The following TMTC2 variants were observed in gnomAD, a reference collection of about 807,000 sequenced individuals.
TMTC2 encodes the protein protein O-mannosyl-transferase TMTC2.
A neutral mutation model predicts 82.4 loss-of-function variants in TMTC2; 43 were observed. That is an observed-to-expected ratio of 0.52 (90% CI 0.41 to 0.67). The LOEUF (loss-of-function observed/expected upper bound fraction) is 0.67. TMTC2 is among the 30% of genes least tolerant of loss of function. TMTC2 has a pLI of 0.00. For synonymous variants in TMTC2, 408 were observed against 381.9 expected (o/e 1.07, Z -0.80); for missense variants, 919 against 1,012.4 (o/e 0.91, Z 1.25).
intron 9 of TMTC2, among the ~76,000 whole-genome samples, chr12:83,042,665 C>G (rs1184870757): frequency 1.3e-5 from 2 of 152,168 alleles, no homozygotes; most frequent in African/African-American, 2.4e-5. Flanking sequence ...CCCTGTCAGA[C>G]AGTCATCATA....
At chr12:82,898,056 ACT>A in intron 3 of TMTC2, among the ~76,000 whole-genome samples, 1 of 152,212 alleles carries the variant, frequency 6.6e-6, no homozygotes, top group Non-Finnish European at 1.5e-5. Flanking sequence ...TCAGTGAGCA[ACT>A]ACACATTTCT....
intron 1 of TMTC2, among the ~76,000 whole-genome samples, chr12:82,774,182 TAC>T (rs1389377361): frequency 6.6e-6 from 1 of 152,148 alleles, no homozygotes; most frequent in Non-Finnish European, 1.5e-5. Context: ...CGCACATATA[TAC>T]ACACATGTGT....
intron 4 of TMTC2, among the ~76,000 whole-genome samples, chr12:82,954,942 T>C (rs1877537127): frequency 6.6e-6 from 1 of 152,266 alleles, no homozygotes; most frequent in South Asian, 2.1e-4. Context: ...TTAGACTTTT[T>C]AATGAAAAAT....
intron 1 of TMTC2, among the ~76,000 whole-genome samples, chr12:82,767,378 A>G (rs1354848301): frequency 6.6e-6 from 1 of 152,178 alleles, no homozygotes; most frequent in Non-Finnish European, 1.5e-5. Context: ...GAGTCCAGGC[A>G]TTTGAGACCA....
chr12:82,823,295 A>G (rs915867731), intron 1 of TMTC2, among the ~76,000 whole-genome samples: 6 of 152,240 alleles, frequency 3.9e-5, no homozygotes, highest in African/African-American at 7.2e-5. Flanking sequence ...GTCATTCAGT[A>G]TTATATCTTC....
intron 7 of TMTC2, among the ~76,000 whole-genome samples, chr12:82,979,345 A>G (rs1878820278): frequency 6.6e-6 from 1 of 151,060 alleles, no homozygotes; most frequent in Admixed American, 6.6e-5. Context: ...CTTTTATATG[A>G]TTTTAGTTTA....
At chr12:82,733,729 G>A (rs1874949579) in intron 1 of TMTC2, among the ~76,000 whole-genome samples, 1 of 152,144 alleles carries the variant, frequency 6.6e-6, no homozygotes, top group Non-Finnish European at 1.5e-5. Flanking sequence ...GGTGACACTG[G>A]AGATACTTTA....
At chr12:83,036,913 CT>C (rs1305228084) in intron 9 of TMTC2, among the ~76,000 whole-genome samples, 6 of 152,060 alleles carry the variant, frequency 3.9e-5, no homozygotes, top group Admixed American at 2.6e-4. Flanking sequence ...GGCATCCAGG[CT>C]TTATAAGAAC....
chr12:82,804,820 A>G (rs563411605), intron 1 of TMTC2, among the ~76,000 whole-genome samples: 39 of 152,178 alleles, frequency 2.6e-4, no homozygotes, highest in Non-Finnish European at 4.9e-4. Flanking sequence ...ATTAGCATAT[A>G]ACAGGCAGAC....
At chr12:83,077,077 A>G (rs748056877) in intron 11 of TMTC2, among the ~76,000 whole-genome samples, 1 of 152,196 alleles carries the variant, frequency 6.6e-6, no homozygotes, top group Non-Finnish European at 1.5e-5. Context: ...TAGGGGAGAG[A>G]GATTAGGCTC....
chr12:82,700,737 C>A (rs1042318685), intron 1 of TMTC2, among the ~76,000 whole-genome samples: 1 of 152,126 alleles, frequency 6.6e-6, no homozygotes, highest in African/African-American at 2.4e-5. Context: ...TGACTTTATG[C>A]TTTTAAATTA....
chr12:83,083,581 C>T (rs1160991056), intron 11 of TMTC2, among the ~76,000 whole-genome samples: 2 of 152,148 alleles, frequency 1.3e-5, no homozygotes, highest in Non-Finnish European at 2.9e-5. Context: ...ACCTTGCTTT[C>T]CCGAGCGCGT....
At chr12:83,108,036 G>A (rs1884476229) in intron 11 of TMTC2, among the ~76,000 whole-genome samples, 1 of 152,048 alleles carries the variant, frequency 6.6e-6, no homozygotes, top group Non-Finnish European at 1.5e-5. Flanking sequence ...CTCTGGCCAT[G>A]TAAGAGATGC....
intron 8 of TMTC2, among the ~76,000 whole-genome samples, chr12:83,004,080 C>T (rs1180275303): frequency 1.3e-5 from 2 of 152,116 alleles, no homozygotes; most frequent in East Asian, 3.9e-4. Flanking sequence ...ATTCTTTATT[C>T]TCTTTTTTGT....
At chr12:82,727,115 AAAC>A (rs960785637) in intron 1 of TMTC2, among the ~76,000 whole-genome samples, 2 of 151,888 alleles carry the variant, frequency 1.3e-5, no homozygotes, top group African/African-American at 4.8e-5. Context: ...TTGAAAAAAA[AAAC>A]AACCAGAAAA....
chr12:83,082,907 A>G (rs1883522748), intron 11 of TMTC2, among the ~76,000 whole-genome samples: 1 of 152,196 alleles, frequency 6.6e-6, no homozygotes, highest in Admixed American at 6.5e-5. Context: ...ATTATGTCAT[A>G]TTCACATGTC....
intron 7 of TMTC2, among the ~76,000 whole-genome samples, chr12:82,972,545 C>CA (rs1878495350): frequency 6.6e-6 from 1 of 151,910 alleles, no homozygotes; most frequent in African/African-American, 2.4e-5. Flanking sequence ...GAATAGGAAA[C>CA]AAAAATGAAT....
At chr12:82,951,301 T>TA (rs891467195) in intron 4 of TMTC2, among the ~76,000 whole-genome samples, 2 of 151,132 alleles carry the variant, frequency 1.3e-5, no homozygotes, top group Admixed American at 6.6e-5. Context: ...GAATTTAACT[T>TA]TTTTTTTTGA....
intron 11 of TMTC2, among the ~76,000 whole-genome samples, chr12:83,120,836 C>A (rs950196282): frequency 1.3e-5 from 2 of 152,152 alleles, no homozygotes; most frequent in Non-Finnish European, 2.9e-5. Flanking sequence ...TTCTTGGAGG[C>A]TTTGTTCATA....
Sources: allele counts gnomAD v4.1 joint callset (sites outside exome capture counted in the v4.1 genomes callset), GRCh38; gene constraint gnomAD v4.1.1; transcripts MANE v1.5; gene names NCBI Gene and HGNC (gene_info 2026-07-23, HGNC 2026-07-21).